The following RBL1 variants were observed in gnomAD, a reference collection of about 807,000 sequenced individuals.
The protein encoded by RBL1 is RB transcriptional corepressor like 1, also known as retinoblastoma-like protein 1.
Under a neutral mutation model 123.0 loss-of-function variants are expected in RBL1, and 82 were observed. The observed-to-expected ratio is 0.67, with a 90% CI of 0.56 to 0.80. RBL1 has a LOEUF of 0.80. Ranked by LOEUF, RBL1 falls within the 30% of genes least tolerant of loss-of-function variation. RBL1 has a pLI of 0.00. For synonymous variants in RBL1, 405 were observed against 441.3 expected, an observed-to-expected ratio of 0.92 and a Z score of 1.03; for missense variants, 1,171 against 1,299.6, an observed-to-expected ratio of 0.90 and a Z score of 1.52.
At chr20:37,061,565 T>C (rs1439067727) in intron 8 of RBL1, among the ~76,000 whole-genome samples, 1 of 152,234 alleles carries the variant, frequency 6.6e-6, no homozygotes. Flanking sequence ...TTGACAAAGT[T>C]AATGGTAAAG....
intron 19 of RBL1, among the ~76,000 whole-genome samples, chr20:37,010,564 C>G (rs1331676096): frequency 6.6e-6 from 1 of 152,132 alleles, no homozygotes; most frequent in Non-Finnish European, 1.5e-5. Context: ...TATATTGCTC[C>G]TAAGGTACAA....
At chr20:37,086,555 A>C (rs1230252804) in intron 2 of RBL1, among the ~76,000 whole-genome samples, 2 of 152,122 alleles carry the variant, frequency 1.3e-5, no homozygotes, top group African/African-American at 4.8e-5. Context: ...AATAAAAATA[A>C]AAAAAAATTT....
chr20:37,040,759 G>T (rs190985214), intron 13 of RBL1, among the ~76,000 whole-genome samples: 129 of 152,248 alleles, frequency 8.5e-4, no homozygotes, highest in African/African-American at 2.9e-3. Context: ...CGAACGTATG[G>T]AAAGAGTTCA....
At position 36,997,707 on chromosome 20, in the gene RBL1, G is replaced by C. The variant is rs1347712249; in HGVS notation, c.*1052C>G. The C allele has an allele frequency of 6.6e-6, 1 of 152,098 alleles. No homozygotes were observed. Among genetic ancestry groups the C allele is most frequent in the Non-Finnish European group, 1.5e-5 (1 of 68,020 alleles). 9.4% of individuals were successfully genotyped at this position (152,098 alleles called of 1,614,324 possible). Reference sequence around the variant, plus strand: ...TATTTTACTGGCTTCAGAAGCAGCTGCCTATTTTGAGAACTACATGAGTTA... The same window carrying C: ...TATTTTACTGGCTTCAGAAGCAGCTCCCTATTTTGAGAACTACATGAGTTA... On this transcript the variant is annotated 3_prime_UTR_variant, in exon 22 of 22. Transcript: ENST00000373664.
intron 11 of RBL1, among the ~76,000 whole-genome samples, chr20:37,049,064 G>A (rs1162457611): frequency 2.0e-5 from 3 of 151,964 alleles, no homozygotes; most frequent in Non-Finnish European, 4.4e-5. Context: ...TTAGCTGGGC[G>A]TGGTGGCATA....
At position 37,068,074 on chromosome 20, in the gene RBL1, TTACAG is replaced by T; in HGVS notation, c.398_402del (p.Thr133AsnfsTer6). The T allele has an allele frequency of 6.2e-7, 1 of 1,613,744 alleles. No individual in the cohort carries two copies. The highest frequency in any genetic ancestry group is 8.5e-7 in the Non-Finnish European group (1 of 1,179,942). ...AAAATTGGCTCATATTTTTTGAATA[TTACAG>T]TAGACACCTCAAAATTTCTCTCTAG... On this transcript the variant is annotated frameshift_variant, in exon 3 of 22. Transcript: ENST00000373664. LOFTEE classifies it high-confidence loss of function.
chr20:37,063,325 G>C (rs2065126043), intron 7 of RBL1, among the ~76,000 whole-genome samples: 1 of 151,948 alleles, frequency 6.6e-6, no homozygotes, highest in Non-Finnish European at 1.5e-5. Flanking sequence ...ATAGGTGTGA[G>C]TCACTTCGAG....
Position 37,068,189 on chromosome 20 carries a change from A to T in RBL1, c.291-3T>A, listed in dbSNP as rs777117599. ...TTTTACTAAAAAATTGTATTAAACT[A>T]AAAAAAAAAAGGAGGAGAAAAAAGG... On this transcript the variant is annotated splice_region_variant and splice_polypyrimidine_tract_variant and intron_variant, in intron 2 of 21. Coordinates refer to ENST00000373664, the MANE Select transcript of RBL1 (RefSeq NM_002895.5). 3.9e-6 allele frequency: 2 copies of T among 518,330 alleles called. No individual in the cohort carries two copies. The allele number at this position is 518,330 out of a possible 1,614,324, so 32.1% of individuals were successfully genotyped here.
Position 37,035,468 on chromosome 20 carries a change from G to A in RBL1, c.1944C>T (p.Tyr648=). The change falls in exon 15 of 22, where the codon TAC becomes TAT. Residue 648 remains tyrosine (Y), a synonymous_variant. Coordinates refer to ENST00000373664, the MANE Select transcript of RBL1 (RefSeq NM_002895.5). ...TAGCACTCCCTGCGGTAGGAGAACT[G>A]TAGCGTTCATGGACAGAAATTGGAG... The part of the protein sequence containing the change: ...PLSPISVHER[Y]SSPTAGSAKR... 6.2e-7 allele frequency: 1 copy of A among 1,610,288 alleles called. No homozygotes were observed. The highest frequency in any genetic ancestry group is 1.1e-5 in the South Asian group (1 of 90,218).
chr20:37,068,241 G>A, intron 2 of RBL1, 55 bp from the exon 3 acceptor site: 1 of 1,493,342 alleles, frequency 6.7e-7, no homozygotes, highest in Non-Finnish European at 8.9e-7. Context: ...TTAAATAATG[G>A]ATTGAAAGGA....
chr20:37,050,777 A>G (rs1264462623), intron 11 of RBL1, among the ~76,000 whole-genome samples: 1 of 151,920 alleles, frequency 6.6e-6, no homozygotes, highest in East Asian at 1.9e-4. Flanking sequence ...AATGACAGAC[A>G]CATGAATGAA....
chr20:37,017,654 C>CA (rs981254593), intron 19 of RBL1, among the ~76,000 whole-genome samples: 3 of 59,308 alleles, frequency 5.1e-5, no homozygotes, highest in African/African-American at 3.4e-4. Context: ...GTGTGTGTGA[C>CA]AGAGTCTCAC....
intron 9 of RBL1, among the ~76,000 whole-genome samples, chr20:37,056,672 A>G (rs1330168784): frequency 6.6e-6 from 1 of 152,118 alleles, no homozygotes; most frequent in Non-Finnish European, 1.5e-5. Flanking sequence ...TCTTTCAAGA[A>G]TTAGTTTTTA....
At chr20:37,002,583 C>T (rs1186296336) in intron 21 of RBL1, among the ~76,000 whole-genome samples, 6 of 150,950 alleles carry the variant, frequency 4.0e-5, no homozygotes, top group Non-Finnish European at 5.9e-5. Context: ...TCGTGATCTG[C>T]CTGCCTCGGC....
In RBL1 at chr20:37,035,413, T is replaced by C. The variant is rs1448702398; in HGVS notation, c.1999A>G (p.Lys667Glu). The C allele has an allele frequency of 1.2e-6, 2 of 1,614,156 alleles. No homozygotes were observed. The highest frequency in any genetic ancestry group is 1.1e-5 in the South Asian group (1 of 91,076). Residue 667 changes from lysine to glutamate, a missense_variant, in exon 15 of 22, where the codon AAG (lysine) becomes GAG (glutamate). Lys to Glu is a moderately conservative substitution (Grantham distance 56, BLOSUM62 1). Coordinates refer to ENST00000373664, the MANE Select transcript of RBL1 (RefSeq NM_002895.5). ...KRRLFGEDPP[K>E]EMLMDKIITE... The stretch of plus-strand genomic sequence containing the variant: ...ATGATCTTGTCCATAAGCATTTCCT[T>C]TGGGGGGTCCTCTCCAAAGAGTCTT...
chr20:37,042,045 C>T (rs2064736455), intron 13 of RBL1, among the ~76,000 whole-genome samples: 1 of 145,392 alleles, frequency 6.9e-6, no homozygotes, highest in South Asian at 2.2e-4. Context: ...CGCACTCCAG[C>T]CTGGGCAACA....
At chr20:37,046,403 C>T (rs1296115122) in intron 12 of RBL1, among the ~76,000 whole-genome samples, 1 of 151,090 alleles carries the variant, frequency 6.6e-6, no homozygotes, top group African/African-American at 2.4e-5. Context: ...TTCTCTCTCT[C>T]TTTTTTTTTC....
In RBL1 at chr20:37,031,770, G is replaced by A. The variant is rs529413702; in HGVS notation, c.2382+895C>T. On this transcript the variant is annotated intron_variant, in intron 16 of 21. Transcript: ENST00000373664. Reference sequence around the variant, plus strand: ...TTTTTTCTTCTTAAGACAGGGCCTCGTTCTGTTGCCCAGGCTGGAGCGCAG... The same window carrying A: ...TTTTTTCTTCTTAAGACAGGGCCTCATTCTGTTGCCCAGGCTGGAGCGCAG... 3.3e-5 allele frequency among the ~76,000 whole-genome samples: 5 copies of A among 152,116 alleles called. No individual in the cohort carries two copies. The South Asian group carries it at 8.3e-4, about 25-fold the overall frequency.
At chr20:37,056,020 C>A in intron 10 of RBL1, 126 bp downstream of exon 10, 1 of 1,434,426 alleles carries the variant, frequency 7.0e-7, no homozygotes, top group Non-Finnish European at 9.2e-7. Context: ...GCACTCCAGC[C>A]TGGGCAACTC....
Sources: allele counts gnomAD v4.1 joint callset (sites outside exome capture counted in the v4.1 genomes callset), GRCh38; gene constraint gnomAD v4.1.1; transcripts MANE v1.5; gene names NCBI Gene and HGNC (gene_info 2026-07-23, HGNC 2026-07-21).